Variants in GOPC observed in about 807,000 individuals in gnomAD.
GOPC encodes the protein Golgi-associated PDZ and coiled-coil motif-containing protein.
GOPC carries 32 observed loss-of-function variants against 51.2 expected under a neutral mutation model. That is an observed-to-expected ratio of 0.63 (90% confidence interval 0.47 to 0.84). The LOEUF (loss-of-function observed/expected upper bound fraction) is 0.84, where lower values mean the gene tolerates loss of function less well. Ranked by LOEUF, GOPC falls within the 40% of genes least tolerant of loss-of-function variation. GOPC has a pLI of 0.00. For missense variants in GOPC, 441 were observed against 555.5 expected, an observed-to-expected ratio of 0.79 and a Z score of 2.07; for synonymous variants, 190 against 205.1, an observed-to-expected ratio of 0.93 and a Z score of 0.63.
intron 8 of GOPC, among the ~76,000 whole-genome samples, chr6:117,564,600 C>A (rs1779656356): frequency 6.6e-6 from 1 of 152,090 alleles, no homozygotes; most frequent in Admixed American, 6.6e-5. Flanking sequence ...CCAATAGATA[C>A]ATTTTTTTAA....
At chr6:117,593,472 C>T (rs12192117) in intron 1 of GOPC, among the ~76,000 whole-genome samples, 16,047 of 152,202 alleles carry the variant, frequency 0.11, 920 homozygotes, top group Middle Eastern at 0.14. Flanking sequence ...TTGTACCCTA[C>T]AATCTCACTT....
chr6:117,598,395 A>G (rs1396296343), intron 1 of GOPC, among the ~76,000 whole-genome samples: 2 of 151,756 alleles, frequency 1.3e-5, no homozygotes, highest in Admixed American at 1.3e-4. Flanking sequence ...AAAAAAGTTG[A>G]CCTCATAGAA....
intron 1 of GOPC, among the ~76,000 whole-genome samples, chr6:117,580,652 T>G (rs1185801892): frequency 1.3e-5 from 2 of 152,144 alleles, no homozygotes; most frequent in African/African-American, 4.8e-5. Context: ...TAAAATTCAC[T>G]CTTTTAAAGT....
chr6:117,592,951 C>T (rs1176543015), intron 1 of GOPC, among the ~76,000 whole-genome samples: 2 of 152,208 alleles, frequency 1.3e-5, no homozygotes, highest in Admixed American at 6.5e-5. Context: ...CAATAACACA[C>T]TTGTCTGTAT....
chr6:117,580,008 T>C (rs1779935592), intron 1 of GOPC, among the ~76,000 whole-genome samples: 1 of 151,900 alleles, frequency 6.6e-6, no homozygotes. Context: ...GAATTCAAAC[T>C]AAAGGAAGGC....
chr6:117,569,656 G>T lies in GOPC; in HGVS notation c.993C>A (p.His331Gln). ...GQPADRCGGL[H>Q]VGDAILAVNG... is the part of the protein sequence containing the mutation. ...TGACTGCCAAAATAGCATCCCCAAC[G>T]TGCAGCCCTCCGCATCTATCAGCAG... The change falls in exon 7 of 9, where the codon CAC becomes CAA. Residue 331 changes from histidine to glutamine, a missense_variant. Physicochemically the swap from His to Gln is conservative, Grantham distance 24. Around this residue, in one of 3 missense-constraint regions of GOPC, gnomAD observed 166 missense variants for 267.0 expected, o/e 0.62. Coordinates refer to ENST00000368498, the MANE Select transcript of GOPC (RefSeq NM_020399.4). The T allele has an allele frequency of 1.2e-6, 2 of 1,612,430 alleles. No individual in the cohort carries two copies. The highest frequency in any genetic ancestry group is 1.1e-5 in the South Asian group (1 of 90,594).
In GOPC at chr6:117,579,065, C is replaced by T. The variant is rs761285293; in HGVS notation, c.286-1G>A. 6.3e-7 allele frequency: 1 copy of T among 1,590,472 alleles called. No homozygotes were observed. Among genetic ancestry groups the T allele is most frequent in the South Asian group, 1.2e-5 (1 of 86,498 alleles). Reference sequence around the variant, plus strand: ...CAGATTTCAGATCCACCAACTGTGCCTTATAAAGAAAACAATAGAAGAAAT... The same window carrying T: ...CAGATTTCAGATCCACCAACTGTGCTTTATAAAGAAAACAATAGAAGAAAT... On this transcript the variant is annotated splice_acceptor_variant, in intron 1 of 8. Transcript: ENST00000368498. LOFTEE classifies it high-confidence loss of function.
intron 1 of GOPC, among the ~76,000 whole-genome samples, chr6:117,597,942 G>C (rs2114631263): frequency 6.6e-6 from 1 of 151,564 alleles, no homozygotes; most frequent in East Asian, 1.9e-4. Flanking sequence ...ATACTACTTA[G>C]CCATAAAAAA....
chr6:117,601,821 C>G (rs553315902), intron 1 of GOPC, among the ~76,000 whole-genome samples, 183 bp downstream of exon 1: 1 of 152,148 alleles, frequency 6.6e-6, no homozygotes, highest in Non-Finnish European at 1.5e-5. Flanking sequence ...GGAACTCACA[C>G]GTCGGTCTAG....
chr6:117,583,935 A>G (rs1268762380), intron 1 of GOPC, among the ~76,000 whole-genome samples: 1 of 152,206 alleles, frequency 6.6e-6, no homozygotes, highest in Admixed American at 6.5e-5. Flanking sequence ...TTGAGAATTG[A>G]AAACAAAATC....
At chr6:117,564,601 AT>A (rs905794606) in intron 8 of GOPC, among the ~76,000 whole-genome samples, 2 of 152,158 alleles carry the variant, frequency 1.3e-5, no homozygotes, top group African/African-American at 4.8e-5. Context: ...CAATAGATAC[AT>A]TTTTTTAAGT....
At position 117,600,354 on chromosome 6, in the gene GOPC, A is replaced by G. The variant is rs1240368141; in HGVS notation, c.285+1650T>C. ...TAAGTGGATTAATCCATTCATAAGA[A>G]CAGAGTACTCATGATCCAGTCTCCT... is the stretch of plus-strand genomic sequence containing the variant. On this transcript the variant is annotated intron_variant, in intron 1 of 8. Transcript: ENST00000368498. Among the ~76,000 whole-genome samples the G allele has an allele frequency of 3.3e-5, 5 of 152,246 alleles. No homozygotes were observed. The East Asian group carries it at 9.6e-4, about 29-fold the overall frequency.
At chr6:117,574,259 TAA>T (rs879696961) in intron 4 of GOPC, among the ~76,000 whole-genome samples, 4 of 140,492 alleles carry the variant, frequency 2.8e-5, no homozygotes, top group Non-Finnish European at 4.7e-5. Context: ...TCACAAAATT[TAA>T]AAAAAAAAAA....
At chr6:117,576,094 GAAC>G (rs1373721410) in intron 3 of GOPC, among the ~76,000 whole-genome samples, 2 of 151,708 alleles carry the variant, frequency 1.3e-5, no homozygotes, top group Non-Finnish European at 2.9e-5. Context: ...CTACTGTTTT[GAAC>G]AACATCAAAA....
intron 1 of GOPC, among the ~76,000 whole-genome samples, chr6:117,579,810 C>T (rs901037139): frequency 2.6e-5 from 4 of 151,964 alleles, no homozygotes; most frequent in Non-Finnish European, 5.9e-5. Flanking sequence ...TTTTGCTAAG[C>T]ATCTAAGGGC....
At chr6:117,589,814 G>A (rs1411781315) in intron 1 of GOPC, among the ~76,000 whole-genome samples, 1 of 152,142 alleles carries the variant, frequency 6.6e-6, no homozygotes, top group Non-Finnish European at 1.5e-5. Flanking sequence ...TGATCAAACT[G>A]GAGATGGGGT....
Position 117,602,349 on chromosome 6 carries a change from G to T in GOPC, c.-61C>A. 1.4e-6 allele frequency: 2 copies of T among 1,477,172 alleles called. No homozygotes were observed. Among genetic ancestry groups the T allele is most frequent in the Non-Finnish European group, 1.8e-6 (2 of 1,119,334 alleles). The allele number at this position is 1,477,172 out of a possible 1,614,324, so 91.5% of individuals were successfully genotyped here. On this transcript the variant is annotated 5_prime_UTR_variant, in exon 1 of 9. Coordinates refer to ENST00000368498, the MANE Select transcript of GOPC (RefSeq NM_020399.4). ...CCTCGCCGCCCCCCGCGCACGAAGG[G>T]AACTGCTGGGACTGAGGGGACCCCC... is the stretch of plus-strand genomic sequence containing the variant.
chr6:117,587,463 A>T (rs1217641191), intron 1 of GOPC, among the ~76,000 whole-genome samples: 1 of 151,562 alleles, frequency 6.6e-6, no homozygotes, highest in Non-Finnish European at 1.5e-5. Context: ...ACACAGCAAA[A>T]CCCCCATTTC....
At chr6:117,595,384 T>C (rs1159315168) in intron 1 of GOPC, among the ~76,000 whole-genome samples, 1 of 152,122 alleles carries the variant, frequency 6.6e-6, no homozygotes, top group Non-Finnish European at 1.5e-5. Context: ...TTTTGTTTTG[T>C]TTGTTTGGGT....
Sources: gnomAD v4.1 joint callset for allele counts (sites outside exome capture counted in the v4.1 genomes callset) on GRCh38, gnomAD v4.1.1 for gene constraint, gnomAD v4.1.1 regional missense constraint, MANE v1.5 for transcripts, NCBI Gene and HGNC (gene_info 2026-07-23, HGNC 2026-07-21) for gene names.